Variants in HECW1 observed in about 807,000 individuals in gnomAD.
The protein encoded by HECW1 is E3 ubiquitin-protein ligase HECW1.
A neutral mutation model predicts 182.3 loss-of-function variants in HECW1; 61 were observed. The ratio of observed to expected loss-of-function variants is 0.33; its 90% CI spans 0.27 to 0.41. The LOEUF is 0.41. HECW1 is among the 10% of genes least tolerant of loss of function. HECW1 has a pLI of 1.00. For synonymous variants in HECW1, 859 were observed against 832.6 expected (o/e 1.03, Z -0.55); for missense variants, 1,739 against 2,108.9 (o/e 0.82, Z 3.44).
rs1224312071 is a variant in HECW1, at chr7:43,374,062, T to C, written c.555+13082T>C. 3.9e-5 allele frequency among the ~76,000 whole-genome samples: 6 copies of C among 152,336 alleles called. No individual in the cohort carries two copies. In the East Asian group the frequency reaches 1.2e-3, roughly 29 times the overall value. On this transcript the variant is annotated intron_variant, in intron 6 of 29. Transcript: ENST00000395891. The stretch of plus-strand genomic sequence containing the variant: ...TCTGTAGGAGGATCCACGGGTTGCT[T>C]GATATAGGTATTTCTTTGAGGAAAC...
intron 5 of HECW1, among the ~76,000 whole-genome samples, chr7:43,359,375 T>A (rs910881808): frequency 6.6e-6 from 1 of 152,204 alleles, no homozygotes; most frequent in Non-Finnish European, 1.5e-5. Flanking sequence ...CGGGTAGGTA[T>A]CTAGCGATTT....
chr7:43,351,675 C>CT (rs1584585777), intron 5 of HECW1, among the ~76,000 whole-genome samples: 3 of 131,134 alleles, frequency 2.3e-5, no homozygotes, highest in Non-Finnish European at 3.3e-5. Flanking sequence ...TTTTTTCTTT[C>CT]TTCTTTTTTT....
rs1234651206 is a variant in HECW1 at position 43,445,354 on chromosome 7, T to C, written c.2182T>C (p.Ser728Pro). The C allele has an allele frequency of 1.2e-6, 2 of 1,613,644 alleles. No individual in the cohort carries two copies. The highest frequency in any genetic ancestry group is 1.7e-6 in the Non-Finnish European group (2 of 1,180,018). ...RFSSVDSAKI[S>P]ESTVFSSQDD... is the part of the protein sequence containing the mutation. ...CTCCTCCGTGGACAGCGCCAAGATC[T>C]CCGAGAGCACGGTCTTCTCCTCGCA... The change falls in exon 11 of 30, where the codon TCC becomes CCC. Residue 728 changes from serine to proline, a missense_variant. By Grantham distance (74) the Ser-to-Pro change is moderately conservative. Transcript: ENST00000395891.
intron 13 of HECW1, 119 bp downstream of exon 13, chr7:43,456,566 G>A: frequency 1.1e-6 from 1 of 942,668 alleles, no homozygotes; most frequent in African/African-American, 1.7e-5. Flanking sequence ...AAGTAATTAA[G>A]TATCTTAAGA....
At chr7:43,259,959 G>A (rs1459289806) in intron 3 of HECW1, among the ~76,000 whole-genome samples, 2 of 152,086 alleles carry the variant, frequency 1.3e-5, no homozygotes, top group East Asian at 3.8e-4. Context: ...ATAGATTCAA[G>A]AATCTCAGTG....
At chr7:43,290,625 C>T (rs1005786778) in intron 3 of HECW1, among the ~76,000 whole-genome samples, 9 of 152,288 alleles carry the variant, frequency 5.9e-5, no homozygotes, top group African/African-American at 2.2e-4. Flanking sequence ...GGGGTCCATC[C>T]CGTCAGTTGG....
At chr7:43,520,233 C>G (rs1439911711) in intron 24 of HECW1, among the ~76,000 whole-genome samples, 1 of 152,110 alleles carries the variant, frequency 6.6e-6, no homozygotes, top group African/African-American at 2.4e-5. Context: ...CTATGCTCAC[C>G]CTACCCTGGG....
chr7:43,359,150 T>C (rs1815546876), intron 5 of HECW1, among the ~76,000 whole-genome samples: 1 of 152,174 alleles, frequency 6.6e-6, no homozygotes. Context: ...TAAAGAAGAC[T>C]ACTGTAATAT....
At position 43,507,116 on chromosome 7, in the gene HECW1, TC is replaced by T; in HGVS notation, c.3632-20del. ...AAGAAGAAGAAAGAAAGTGATGACC[TC>T]TGTGTGCTTCTCTCTGCAGGTTTAC... On this transcript the variant is annotated intron_variant, in intron 21 of 29. Coordinates refer to ENST00000395891, the MANE Select transcript of HECW1 (RefSeq NM_015052.5). The T allele has an allele frequency of 6.2e-7, 1 of 1,609,792 alleles. No individual in the cohort carries two copies. The highest frequency in any genetic ancestry group is 1.1e-5 in the South Asian group (1 of 90,540).
chr7:43,357,069 A>T (rs1815240836), intron 5 of HECW1, among the ~76,000 whole-genome samples: 1 of 152,188 alleles, frequency 6.6e-6, no homozygotes, highest in Non-Finnish European at 1.5e-5. Flanking sequence ...AAAACAGGAC[A>T]GGGAGCAACA....
intron 12 of HECW1, among the ~76,000 whole-genome samples, chr7:43,452,984 G>A (rs2077283612): frequency 6.6e-6 from 1 of 152,222 alleles, no homozygotes; most frequent in African/African-American, 2.4e-5. Flanking sequence ...GAAGGCAGCA[G>A]GTGATGTGGT....
intron 3 of HECW1, among the ~76,000 whole-genome samples, chr7:43,292,586 G>C (rs533771137): frequency 3.9e-5 from 6 of 152,346 alleles, no homozygotes; most frequent in Non-Finnish European, 7.3e-5. Context: ...GAGCCTGAGA[G>C]GGAGCTCAGG....
intron 8 of HECW1, among the ~76,000 whole-genome samples, chr7:43,424,664 G>A (rs2076298654): frequency 6.6e-6 from 1 of 151,986 alleles, no homozygotes; most frequent in South Asian, 2.1e-4. Flanking sequence ...AAATAAAACA[G>A]CAGTCTTTTC....
At chr7:43,501,175 T>G in intron 20 of HECW1, 38 bp from the exon 21 acceptor site, 1 of 1,250,386 alleles carries the variant, frequency 8.0e-7, no homozygotes, top group South Asian at 1.3e-5. Flanking sequence ...ACTGACTTTC[T>G]TTTCTTTCTT....
chr7:43,241,332 C>A (rs1045757099), intron 2 of HECW1: 1 of 152,168 alleles, frequency 6.6e-6, no homozygotes, highest in Non-Finnish European at 1.5e-5. Context: ...AGGGTTCCAT[C>A]CAGGTTCTCT....
At chr7:43,203,397 T>A (rs1287536133) in intron 2 of HECW1, among the ~76,000 whole-genome samples, 1 of 152,208 alleles carries the variant, frequency 6.6e-6, no homozygotes, top group Non-Finnish European at 1.5e-5. Flanking sequence ...TTAAAGATAA[T>A]TCCTGGAGTG....
At chr7:43,197,913 G>T (rs1477652142) in intron 2 of HECW1, among the ~76,000 whole-genome samples, 1 of 151,960 alleles carries the variant, frequency 6.6e-6, no homozygotes, top group African/African-American at 2.4e-5. Flanking sequence ...GCTGGCACTG[G>T]GCCCCTGATT....
intron 3 of HECW1, among the ~76,000 whole-genome samples, chr7:43,292,926 C>T (rs937420678): frequency 6.6e-6 from 1 of 152,032 alleles, no homozygotes; most frequent in African/African-American, 2.4e-5. Flanking sequence ...AACAAAAGAA[C>T]GAAAGCTGGG....
At chr7:43,421,383 C>CA (rs559704300) in intron 8 of HECW1, among the ~76,000 whole-genome samples, 3 of 151,324 alleles carry the variant, frequency 2.0e-5, no homozygotes, top group Admixed American at 6.6e-5. Context: ...TTGTGGAAGC[C>CA]AAAAAAATCT....
Sources: allele counts gnomAD v4.1 joint callset (sites outside exome capture counted in the v4.1 genomes callset), GRCh38; gene constraint gnomAD v4.1.1; transcripts MANE v1.5; gene names NCBI Gene and HGNC (gene_info 2026-07-23, HGNC 2026-07-21).